The following NCOR1 variants were observed in gnomAD, a reference collection of about 807,000 sequenced individuals.
The protein encoded by NCOR1 is nuclear receptor corepressor 1.
In NCOR1, 63 loss-of-function variants were observed where a neutral mutation model predicts 288.1. The observed-to-expected ratio is 0.22, with a 90% CI of 0.18 to 0.27. The LOEUF (loss-of-function observed/expected upper bound fraction) is 0.27. Ranked by LOEUF, NCOR1 falls within the 10% of genes least tolerant of loss-of-function variation. The pLI, the probability that NCOR1 is intolerant of heterozygous loss-of-function variation, is 1.00. For synonymous variants in NCOR1, 1,007 were observed against 1,065.9 expected (o/e 0.94, Z 1.08); for missense variants, 2,397 against 3,019.2 (o/e 0.79, Z 4.83).
intron 42 of NCOR1, among the ~76,000 whole-genome samples, chr17:16,041,895 C>T (rs1400849391): frequency 3.3e-5 from 5 of 152,164 alleles, no homozygotes; most frequent in African/African-American, 1.2e-4. Context: ...CGCCACTATG[C>T]CTGGCTAATT....
chr17:16,212,652 T>C (rs1455193168), intron 1 of NCOR1, among the ~76,000 whole-genome samples: 1 of 152,204 alleles, frequency 6.6e-6, no homozygotes, highest in Non-Finnish European at 1.5e-5. Context: ...AAACATATTT[T>C]TTAAAAAACA....
intron 1 of NCOR1, among the ~76,000 whole-genome samples, chr17:16,213,058 A>T (rs1329304341): frequency 1.1e-4 from 4 of 36,890 alleles, no homozygotes; most frequent in African/African-American, 3.8e-4. Context: ...CCCTGTCTCC[A>T]AAAAAAAAAA....
intron 42 of NCOR1, among the ~76,000 whole-genome samples, chr17:16,042,023 C>T (rs534721235): frequency 2.8e-4 from 43 of 152,228 alleles, no homozygotes; most frequent in African/African-American, 8.9e-4. Flanking sequence ...TGTGAGCCAC[C>T]GTGCCCGGCC....
intron 3 of NCOR1, among the ~76,000 whole-genome samples, chr17:16,181,651 C>T (rs1424384482): frequency 3.5e-5 from 5 of 141,048 alleles, no homozygotes. Flanking sequence ...TGTTCACTGG[C>T]TAAACTATGT....
At chr17:16,064,472 G>C (rs1490864376) in intron 34 of NCOR1, among the ~76,000 whole-genome samples, 2 of 151,746 alleles carry the variant, frequency 1.3e-5, no homozygotes, top group Non-Finnish European at 2.9e-5. Flanking sequence ...GTGTGGTGGC[G>C]CGCACCTGTA....
intron 22 of NCOR1, among the ~76,000 whole-genome samples, chr17:16,086,878 CA>C (rs1199829378): frequency 6.6e-6 from 1 of 152,200 alleles, no homozygotes; most frequent in Non-Finnish European, 1.5e-5. Context: ...TTCTGGCTCT[CA>C]CAGAACACTT....
At position 16,057,677 on chromosome 17, in the gene NCOR1, G is replaced by A. The variant is rs1017820184; in HGVS notation, c.6229C>T (p.Pro2077Ser). ...GGTGAGTTCTGGAATGTAGAAGTAGGAGGCTGCTGGGGAGTCTGCGAGGAA... is the reference window on the plus strand; with the variant it reads ...GGTGAGTTCTGGAATGTAGAAGTAGAAGGCTGCTGGGGAGTCTGCGAGGAA... ...QVSSQTPQQP[P>S]TSTFQNSPSA... is the part of the protein sequence containing the mutation. Residue 2077 changes from proline (P) to serine (S), a missense_variant, in exon 40 of 46, where the codon CCT (proline) becomes TCT (serine). Physicochemically the swap from Pro to Ser is moderately conservative, Grantham distance 74. Around this residue, in one of 11 missense-constraint regions of NCOR1, gnomAD observed 1,872 missense variants for 2,187.8 expected, o/e 0.86. Coordinates refer to ENST00000268712, the MANE Select transcript of NCOR1 (RefSeq NM_006311.4). 4 of 1,614,076 alleles carry A rather than the reference G, an allele frequency of 2.5e-6. No individual in the cohort carries two copies. The highest frequency in any genetic ancestry group is 2.2e-5 in the East Asian group (1 of 44,874).
At chr17:16,205,702 C>T (rs2091417904) in intron 1 of NCOR1, among the ~76,000 whole-genome samples, 1 of 150,820 alleles carries the variant, frequency 6.6e-6, no homozygotes, top group Admixed American at 6.6e-5. Context: ...CTTTGGGAGG[C>T]CAAGGTGGGT....
intron 26 of NCOR1, among the ~76,000 whole-genome samples, chr17:16,078,255 T>C (rs2062842053): frequency 6.6e-6 from 1 of 152,180 alleles, no homozygotes; most frequent in Non-Finnish European, 1.5e-5. Flanking sequence ...GCTAAAACCC[T>C]AGAGAGCACA....
In NCOR1 at chr17:16,057,642, C is replaced by T. The variant is rs2060087402; in HGVS notation, c.6264G>A (p.Leu2088=). 6.2e-7 allele frequency: 1 copy of T among 1,613,818 alleles called. No individual in the cohort carries two copies. Among genetic ancestry groups the T allele is most frequent in the Non-Finnish European group, 8.5e-7 (1 of 1,180,002 alleles). ...TTTTAGTCCTCACAGGTGTAGATACCAAAGCAGAAGGTGAGTTCTGGAATG... is the reference window on the plus strand; with the variant it reads ...TTTTAGTCCTCACAGGTGTAGATACTAAAGCAGAAGGTGAGTTCTGGAATG... ...TSTFQNSPSA[L]VSTPVRTKTS... is the part of the protein sequence containing the mutation. The change falls in exon 40 of 46, where the codon TTG becomes TTA. Residue 2088 remains leucine (L), a synonymous_variant. Transcript: ENST00000268712.
chr17:16,110,756 C>T (rs369918327), intron 18 of NCOR1, among the ~76,000 whole-genome samples: 9 of 152,138 alleles, frequency 5.9e-5, no homozygotes, highest in Admixed American at 6.5e-5. Context: ...CATTCTCATG[C>T]GGATGATATT....
intron 21 of NCOR1, among the ~76,000 whole-genome samples, chr17:16,096,617 CTT>C (rs200599033): frequency 1.3e-5 from 2 of 151,420 alleles, no homozygotes; most frequent in Non-Finnish European, 3.0e-5. Context: ...CATTATATTT[CTT>C]TTTTTTTCTT....
At chr17:16,131,597 C>T (rs552622124) in intron 14 of NCOR1, among the ~76,000 whole-genome samples, 78 of 152,118 alleles carry the variant, frequency 5.1e-4, no homozygotes, top group African/African-American at 1.9e-3. Context: ...AAAATTTACA[C>T]GAGGAAGAAA....
chr17:16,166,016 GT>G (rs1190346946), intron 4 of NCOR1, among the ~76,000 whole-genome samples: 1 of 152,190 alleles, frequency 6.6e-6, no homozygotes, highest in Admixed American at 6.5e-5. Flanking sequence ...AAAGTCAATA[GT>G]TCTGAGTCAA....
At position 16,034,752 on chromosome 17, in the gene NCOR1, G is replaced by A. The variant is rs1368068418; in HGVS notation, c.7135+13C>T. 4.4e-6 allele frequency: 7 copies of A among 1,594,672 alleles called. No individual in the cohort carries two copies. The highest frequency in any genetic ancestry group is 6.0e-6 in the Non-Finnish European group (7 of 1,170,372). On this transcript the variant is annotated intron_variant, in intron 45 of 45. Coordinates refer to ENST00000268712, the MANE Select transcript of NCOR1 (RefSeq NM_006311.4). ...GCTCTGTCTCATTTTCTAAGTTAAA[G>A]CAGAATCCTTACCTGTTGAAGAGGG...
intron 3 of NCOR1, among the ~76,000 whole-genome samples, chr17:16,183,742 T>C (rs957559415): frequency 2.6e-5 from 4 of 151,982 alleles, no homozygotes; most frequent in African/African-American, 9.7e-5. Flanking sequence ...AAAACAACCC[T>C]AAAATTCACA....
chr17:16,158,911 C>T, intron 5 of NCOR1, 38 bp from the exon 6 acceptor site: 1 of 1,411,822 alleles, frequency 7.1e-7, no homozygotes. Context: ...GCATGTGCTG[C>T]ACACCACACC....
In NCOR1 at chr17:16,046,954, T is replaced by C. The variant is rs547933528; in HGVS notation, c.6676A>G (p.Met2226Val). Residue 2226 changes from methionine (M) to valine (V), a missense_variant, in exon 42 of 46, where the codon ATG (methionine) becomes GTG (valine). Coordinates refer to ENST00000268712, the MANE Select transcript of NCOR1 (RefSeq NM_006311.4). ...LNSSGGGDSD[M>V]AAAQPGTEIF... ...TCATGAAAGAAATCCCACTTACCCA[T>C]ATCAGAGTCACCTCCACCAGAGGAG... 5.6e-6 allele frequency: 9 copies of C among 1,613,852 alleles called. No individual in the cohort carries two copies. The highest frequency in any genetic ancestry group is 1.7e-4 in the Middle Eastern group (1 of 6,060).
intron 45 of NCOR1, among the ~76,000 whole-genome samples, chr17:16,033,737 T>C (rs1452644785): frequency 6.6e-6 from 1 of 152,192 alleles, no homozygotes; most frequent in Non-Finnish European, 1.5e-5. Context: ...AAATAGAAAA[T>C]AATAAGTATC....
Sources: allele counts gnomAD v4.1 joint callset (sites outside exome capture counted in the v4.1 genomes callset), GRCh38; gene constraint gnomAD v4.1.1; regional missense constraint gnomAD v4.1.1; transcripts MANE v1.5; gene names NCBI Gene and HGNC (gene_info 2026-07-23, HGNC 2026-07-21).